TACC2: variants seen among roughly 807,000 people sequenced by gnomAD.
TACC2 encodes the protein transforming acidic coiled-coil-containing protein 2.
Under a neutral mutation model 227.3 loss-of-function variants are expected in TACC2, and 137 were observed. That is an observed-to-expected ratio of 0.60 (90% CI 0.52 to 0.69). TACC2 has a LOEUF of 0.69. Among genes scored for constraint, TACC2 ranks in the 30% least tolerant of loss-of-function variants. The pLI, the probability that TACC2 is intolerant of heterozygous loss-of-function variation, is 0.00. For missense variants in TACC2, 3,470 were observed against 3,694.4 expected (o/e 0.94, Z 1.57); for synonymous variants, 1,523 against 1,487.5 (o/e 1.02, Z -0.55).
At chr10:122,108,736 C>T (rs146711420) in intron 5 of TACC2, among the ~76,000 whole-genome samples, 213 of 148,086 alleles carry the variant, frequency 1.4e-3, no homozygotes, top group African/African-American at 5.1e-3. Context: ...AGCCATCGCC[C>T]GGTCTTCTTT....
chr10:122,143,594 G>A lies in TACC2; in HGVS notation c.5722G>A (p.Ala1908Thr), dbSNP rs2090969692. The A allele has an allele frequency of 1.2e-6, 2 of 1,613,974 alleles. No homozygotes were observed. The highest frequency in any genetic ancestry group is 1.3e-5 in the African/African-American group (1 of 74,928). ...CAGCATCTCCCCAGCTGCTGCCCAT[G>A]CGGGTCTTCCTCCCTCGGCTGCAGA... ...AQSISPAAAH[A>T]GLPPSAAEHI... is the part of the protein sequence containing the mutation. The change falls in exon 7 of 23, where the codon GCG becomes ACG. Residue 1908 changes from alanine to threonine, a missense_variant. Ala to Thr is a moderately conservative substitution (Grantham distance 58). Coordinates refer to ENST00000369005, the MANE Select transcript of TACC2 (RefSeq NM_206862.4).
intron 5 of TACC2, among the ~76,000 whole-genome samples, chr10:122,129,278 G>A (rs1206021021): frequency 2.0e-5 from 3 of 151,562 alleles, no homozygotes; most frequent in African/African-American, 7.3e-5. Flanking sequence ...GGCTCGTCTC[G>A]AACTCTTGAC....
At chr10:122,052,790 A>G (rs2075849225) in intron 3 of TACC2, 1 of 152,098 alleles carries the variant, frequency 6.6e-6, no homozygotes, top group Non-Finnish European at 1.5e-5. Flanking sequence ...GTGTGTGTCT[A>G]TAGTGCAGGG....
In TACC2 at chr10:122,008,246, G is replaced by GTTATTA. The variant is rs1554958021; in HGVS notation, c.-45-13676_-45-13671dup. On this transcript the variant is annotated intron_variant, in intron 1 of 22. Transcript: ENST00000369005. ...TCCTTTGAATTCTGTCTATCCCTTT[G>GTTATTA]TTATTATTATTATTATTATTTTTTT... Among the ~76,000 whole-genome samples the GTTATTA allele has an allele frequency of 8.1e-4, 91 of 111,852 alleles. 3 individuals are homozygous for GTTATTA. Among genetic ancestry groups the GTTATTA allele is most frequent in the South Asian group, 1.2e-3 (3 of 2,478 alleles). 73.4% of individuals were successfully genotyped at this position (111,852 alleles called of 152,430 possible).
intron 19 of TACC2, among the ~76,000 whole-genome samples, chr10:122,243,142 C>T (rs1404288961): frequency 6.6e-6 from 1 of 152,194 alleles, no homozygotes; most frequent in Non-Finnish European, 1.5e-5. Context: ...CGGGGTTTCA[C>T]TATGTTGGCC....
intron 7 of TACC2, among the ~76,000 whole-genome samples, chr10:122,167,628 T>C (rs949432443): frequency 2.0e-5 from 3 of 152,190 alleles, no homozygotes; most frequent in African/African-American, 7.2e-5. Context: ...CCTTCCCTTA[T>C]GTGGTTCCTG....
Position 122,210,120 on chromosome 10 carries a change from G to C in TACC2, c.5972-277G>C. On this transcript the variant is annotated intron_variant, in intron 8 of 22. Coordinates refer to ENST00000369005, the MANE Select transcript of TACC2 (RefSeq NM_206862.4). The surrounding 1 kb of genome is among the most constrained non-coding windows in gnomAD (Gnocchi z 4.6). ...GTCTGGTCCTGATTAGGCACTTGGT[G>C]AATGTTTTTGAATGAATACTCTGAG... is the stretch of plus-strand genomic sequence containing the variant. The C allele has an allele frequency of 2.0e-6, 1 of 491,826 alleles. No individual in the cohort carries two copies. Among genetic ancestry groups the C allele is most frequent in the South Asian group, 2.5e-5 (1 of 40,806 alleles). 30.5% of individuals were successfully genotyped at this position (491,826 alleles called of 1,614,324 possible).
intron 11 of TACC2, among the ~76,000 whole-genome samples, chr10:122,223,678 AT>A (rs1335933081): frequency 6.6e-6 from 1 of 152,172 alleles, no homozygotes; most frequent in Non-Finnish European, 1.5e-5. Context: ...TAAAGCTGAT[AT>A]TTTTTTGACG....
intron 1 of TACC2, among the ~76,000 whole-genome samples, chr10:122,002,046 TCA>T (rs2135101233): frequency 6.6e-6 from 1 of 152,368 alleles, no homozygotes; most frequent in East Asian, 1.9e-4. Context: ...AATTTATTTC[TCA>T]CAGTTCTGGA....
At chr10:122,120,644 G>C (rs1339208215) in intron 5 of TACC2, among the ~76,000 whole-genome samples, 1 of 152,198 alleles carries the variant, frequency 6.6e-6, no homozygotes, top group Non-Finnish European at 1.5e-5. Flanking sequence ...TGGGGAGAGG[G>C]ACTTTCTGCT....
Position 122,143,611 on chromosome 10 carries a change from G to A in TACC2, c.5739G>A (p.Ser1913=), listed in dbSNP as rs145822203. 922 of 1,614,066 alleles carry A rather than the reference G, an allele frequency of 5.7e-4. 4 individuals carry two copies. Among genetic ancestry groups the A allele is most frequent in the South Asian group, 5.4e-3 (489 of 91,076 alleles). Residue 1913 remains serine, a synonymous_variant, in exon 7 of 23, where the codon TCG becomes TCA. Transcript: ENST00000369005. The part of the protein sequence containing the change: ...PAAAHAGLPP[S]AAEHIVSPSA... ...CTGCCCATGCGGGTCTTCCTCCCTC[G>A]GCTGCAGAACACATAGTTTCGCCAT...
chr10:122,192,291 G>A (rs948325612), intron 7 of TACC2, among the ~76,000 whole-genome samples: 10 of 152,322 alleles, frequency 6.6e-5, no homozygotes, highest in South Asian at 2.1e-4. Context: ...CGTGAACGGC[G>A]GTCCCTCTGA....
At chr10:122,164,777 C>T (rs2093050518) in intron 7 of TACC2, among the ~76,000 whole-genome samples, 1 of 152,212 alleles carries the variant, frequency 6.6e-6, no homozygotes, top group African/African-American at 2.4e-5. Flanking sequence ...CAAAGTGGAC[C>T]TCCCAGCCTC....
intron 2 of TACC2, among the ~76,000 whole-genome samples, chr10:122,035,572 C>T (rs1032582350): frequency 3.3e-5 from 5 of 152,058 alleles, no homozygotes; most frequent in South Asian, 2.1e-4. Flanking sequence ...TAACCATGGT[C>T]GGAGGGGCTA....
intron 1 of TACC2, among the ~76,000 whole-genome samples, chr10:122,007,232 GA>G (rs1955290936): frequency 6.6e-6 from 1 of 151,904 alleles, no homozygotes; most frequent in South Asian, 2.1e-4. Context: ...GGTGCCTTAT[GA>G]TTTATTTATT....
At position 122,159,043 on chromosome 10, in the gene TACC2, C is replaced by T. The variant is rs368983219; in HGVS notation, c.5834+15337C>T. ...GCCAAGGCATCAATATGCAGGCAGCCGAGGGGATGGGAAGAAAGAAGTCTG... is the reference window on the plus strand; with the variant it reads ...GCCAAGGCATCAATATGCAGGCAGCTGAGGGGATGGGAAGAAAGAAGTCTG... On this transcript the variant is annotated intron_variant, in intron 7 of 22. Transcript: ENST00000369005. Among the ~76,000 whole-genome samples, 12 of 152,066 alleles carry T rather than the reference C, an allele frequency of 7.9e-5. No homozygotes were observed. The East Asian group carries it at 9.7e-4, about 12-fold the overall frequency.
intron 15 of TACC2, 129 bp from the exon 16 acceptor site, chr10:122,230,222 G>A (rs372565283): frequency 3.6e-5 from 27 of 742,674 alleles, no homozygotes; most frequent in African/African-American, 6.8e-5. Context: ...AGAGAAAGGC[G>A]GAGCGCGTGT....
intron 8 of TACC2, among the ~76,000 whole-genome samples, chr10:122,208,891 CT>C (rs1194063086): frequency 6.6e-6 from 1 of 152,210 alleles, no homozygotes; most frequent in Non-Finnish European, 1.5e-5. Flanking sequence ...CAATGACACA[CT>C]TTTAGTTTTC....
intron 3 of TACC2, among the ~76,000 whole-genome samples, chr10:122,075,200 A>AAGAAAG (rs1554997867): frequency 0.038 from 4,592 of 122,274 alleles, 238 homozygotes; most frequent in African/African-American, 0.12. Flanking sequence ...AAAAAAAAAA[A>AAGAAAG]AAAGAAAGAA....
Sources: gnomAD v4.1 joint callset for allele counts (sites outside exome capture counted in the v4.1 genomes callset) on GRCh38, gnomAD v4.1.1 for gene constraint, Gnocchi (gnomAD v3.1) non-coding constraint, MANE v1.5 for transcripts, NCBI Gene and HGNC (gene_info 2026-07-23, HGNC 2026-07-21) for gene names.